The following ETFBKMT variants were observed in gnomAD, a reference collection of about 807,000 sequenced individuals.
ETFBKMT encodes electron transfer flavoprotein beta subunit lysine methyltransferase.
ETFBKMT carries 13 observed loss-of-function variants against 18.3 expected under a neutral mutation model. The ratio of observed to expected loss-of-function variants is 0.71; its 90% CI spans 0.46 to 1.13. ETFBKMT has a LOEUF of 1.13. Ranked by LOEUF, ETFBKMT falls within the 50% of genes most tolerant of loss-of-function variation. The probability of loss-of-function intolerance (pLI) is 0.00; values close to 1 mark genes in which losing one functional copy is unlikely to be tolerated. For missense variants in ETFBKMT, 293 were observed against 306.2 expected, an observed-to-expected ratio of 0.96 and a Z score of 0.32; for synonymous variants, 84 against 107.9, an observed-to-expected ratio of 0.78 and a Z score of 1.37.
At chr12:31,657,247 A>G (rs1440443277), upstream of ETFBKMT, among the ~76,000 whole-genome samples, 4 of 152,240 alleles carry the variant, frequency 2.6e-5, no homozygotes, top group African/African-American at 9.6e-5. Context: ...TTTAAAGTAA[A>G]AAAATCACAA....
intron 1 of ETFBKMT, among the ~76,000 whole-genome samples, chr12:31,650,797 T>G (rs1443993967): frequency 6.6e-6 from 1 of 152,106 alleles, no homozygotes; most frequent in South Asian, 2.1e-4. Flanking sequence ...CTGAAGGTAC[T>G]TGAGAGACTG....
At position 31,668,225 on chromosome 12, in the gene ETFBKMT, G is replaced by A. The variant is rs903486792; in HGVS notation, c.*235G>A. The A allele has an allele frequency of 4.3e-5, 19 of 444,248 alleles. No individual in the cohort carries two copies. The highest frequency in any genetic ancestry group is 6.0e-5 in the African/African-American group (3 of 49,916). 27.5% of individuals were successfully genotyped at this position (444,248 alleles called of 1,614,324 possible). ...CTGCATTTTTTTTTCTATTTTAACCGCTGAAGGAATATGATTATACAATGC... is the reference window on the plus strand; with the variant it reads ...CTGCATTTTTTTTTCTATTTTAACCACTGAAGGAATATGATTATACAATGC... On this transcript the variant is annotated 3_prime_UTR_variant, in exon 4 of 4. Transcript: ENST00000357721.
At chr12:31,651,299 T>C (rs1387188745) in intron 1 of ETFBKMT, among the ~76,000 whole-genome samples, 1 of 133,898 alleles carries the variant, frequency 7.5e-6, no homozygotes, top group Non-Finnish European at 1.6e-5. Context: ...TTGAGAAAGA[T>C]GCCTTCCCTT....
intron 1 of ETFBKMT, among the ~76,000 whole-genome samples, chr12:31,648,710 C>T (rs536987537): frequency 6.6e-6 from 1 of 151,786 alleles, no homozygotes; most frequent in African/African-American, 2.4e-5. Flanking sequence ...TACAGGGGCC[C>T]ACCACCACGC....
intron 1 of ETFBKMT, among the ~76,000 whole-genome samples, chr12:31,650,626 C>CTTTTTTTTTTTT (rs543201341): frequency 0.012 from 1,743 of 140,430 alleles, 92 homozygotes; most frequent in African/African-American, 0.036. Flanking sequence ...AATGACCTGA[C>CTTTTTTTTTTTT]CTTTTTTTTT....
At chr12:31,661,635 A>AT (rs1951125353) in intron 1 of ETFBKMT, among the ~76,000 whole-genome samples, 1 of 151,936 alleles carries the variant, frequency 6.6e-6, no homozygotes, top group Non-Finnish European at 1.5e-5. Context: ...AATTTTTTGT[A>AT]TTTTTAGTAG....
intron 1 of ETFBKMT, among the ~76,000 whole-genome samples, chr12:31,648,562 T>C (rs1398252801): frequency 2.0e-5 from 2 of 100,152 alleles, no homozygotes; most frequent in Non-Finnish European, 5.0e-5. Flanking sequence ...GGTTTCTTTT[T>C]TTTTTTTTTT....
intron 3 of ETFBKMT, among the ~76,000 whole-genome samples, chr12:31,667,059 G>A (rs1951206300): frequency 6.6e-6 from 1 of 150,424 alleles, no homozygotes; most frequent in African/African-American, 2.5e-5. Context: ...CAGTGGCACG[G>A]TCTTGGCTCA....
At chr12:31,651,347 T>C (rs1242360541) in intron 1 of ETFBKMT, among the ~76,000 whole-genome samples, 1 of 150,340 alleles carries the variant, frequency 6.7e-6, no homozygotes, top group Non-Finnish European at 1.5e-5. Context: ...TCTTGCTCTG[T>C]CGTCCAGGCT....
chr12:31,664,114 C>A (rs1951164154), intron 2 of ETFBKMT, among the ~76,000 whole-genome samples: 1 of 151,648 alleles, frequency 6.6e-6, no homozygotes, highest in Admixed American at 6.6e-5. Flanking sequence ...TCACCCCTGA[C>A]TTCCTCTGCC....
At chr12:31,650,915 T>A (rs926037647) in intron 1 of ETFBKMT, among the ~76,000 whole-genome samples, 1 of 152,098 alleles carries the variant, frequency 6.6e-6, no homozygotes, top group Non-Finnish European at 1.5e-5. Context: ...ATCCAGTTTC[T>A]TAGGAAGAAA....
At chr12:31,657,791 CAA>C (rs777612236), upstream of ETFBKMT, among the ~76,000 whole-genome samples, 5 of 46,322 alleles carry the variant, frequency 1.1e-4, no homozygotes, top group East Asian at 9.6e-4. Context: ...GACTTCATCT[CAA>C]AAAAAAAAAA....
In ETFBKMT at chr12:31,662,111, A is replaced by T. The variant is rs1951131664; in HGVS notation, c.158A>T (p.Glu53Val). The part of the protein sequence containing the change: ...LDPEIKAFLE[E>V]NTEVTSSGSL... ...CCTGAGATAAAGGCTTTCCTGGAGG[A>T]GAACACTGAAGTCACCAGCAGTGGT... The change falls in exon 2 of 4, where the codon GAG (glutamate) becomes GTG (valine). Residue 53 changes from glutamate (E) to valine (V), a missense_variant. By Grantham distance (121) the Glu-to-Val change is moderately radical. Coordinates refer to ENST00000357721, the MANE Select transcript of ETFBKMT (RefSeq NM_001135863.2). 6.2e-7 allele frequency: 1 copy of T among 1,614,080 alleles called. No homozygotes were observed. The highest frequency in any genetic ancestry group is 1.7e-5 in the Admixed American group (1 of 60,002).
chr12:31,650,626 C>CTTTTTTTTTTTTTTTTTTTTTTTTT (rs543201341), intron 1 of ETFBKMT, among the ~76,000 whole-genome samples: 1 of 140,640 alleles, frequency 7.1e-6, no homozygotes, highest in African/African-American at 2.7e-5. Context: ...AATGACCTGA[C>CTTTTTTTTTTTTTTTTTTTTTTTTT]CTTTTTTTTT....
chr12:31,652,788 T>A lies in ETFBKMT; in HGVS notation c.-114+5533T>A, dbSNP rs955062185. On this transcript the variant is annotated intron_variant, in intron 1 of 3. Coordinates refer to the ETFBKMT transcript ENST00000412352. ...ATTTGCTAGTGGGTTAGTTGTGGAG[T>A]GTGCACGTGTGTGTGAGAGAAAGAT... 4.6e-5 allele frequency among the ~76,000 whole-genome samples: 7 copies of A among 152,090 alleles called. No homozygotes were observed. The East Asian group carries it at 1.3e-3, about 29-fold the overall frequency.
chr12:31,662,171 C>G lies in ETFBKMT; in HGVS notation c.218C>G (p.Thr73Ser), dbSNP rs139707287. 1 of 1,614,204 alleles carries G rather than the reference C, an allele frequency of 6.2e-7. No homozygotes were observed. The highest frequency in any genetic ancestry group is 1.1e-5 in the South Asian group (1 of 91,084). ...CCTGAAATCCAGTTGCGGCTTTTGA[C>G]CCCCAGATGCAAATTCTGGTGGGAG... ...LTPEIQLRLL[T>S]PRCKFWWERA... The change falls in exon 2 of 4, where the codon ACC (threonine) becomes AGC (serine). Residue 73 changes from threonine (T) to serine (S), a missense_variant. Thr to Ser is a moderately conservative substitution (Grantham distance 58). Transcript: ENST00000357721.
upstream of ETFBKMT, among the ~76,000 whole-genome samples, chr12:31,655,609 T>C (rs969882368): frequency 4.6e-5 from 7 of 152,216 alleles, no homozygotes; most frequent in Non-Finnish European, 1.0e-4. Flanking sequence ...GAATTCTTCC[T>C]TTACTCCCTA....
At position 31,667,876 on chromosome 12, in the gene ETFBKMT, T is replaced by A. The variant is rs1398868942; in HGVS notation, c.675T>A (p.Ser225Arg). The change falls in exon 4 of 4, where the codon AGT (serine) becomes AGA (arginine). Residue 225 changes from serine (S) to arginine (R), a missense_variant. Transcript: ENST00000357721. ...LIGDPGRPQF[S>R]GHSIQHHLHK... ...GTGACCCTGGGCGGCCCCAGTTCAGTGGACACAGCATTCAGCATCACCTGC... is the reference window on the plus strand; with the variant it reads ...GTGACCCTGGGCGGCCCCAGTTCAGAGGACACAGCATTCAGCATCACCTGC... 6.8e-6 allele frequency: 11 copies of A among 1,614,098 alleles called. No individual in the cohort carries two copies. The highest frequency in any genetic ancestry group is 1.3e-5 in the African/African-American group (1 of 74,928).
At chr12:31,655,718 T>C (rs932132785), upstream of ETFBKMT, among the ~76,000 whole-genome samples, 2 of 152,222 alleles carry the variant, frequency 1.3e-5, no homozygotes, top group Admixed American at 6.5e-5. Flanking sequence ...CCTATCTCCC[T>C]TTTCCTGCAT....
Sources: gnomAD v4.1 joint callset for allele counts (sites outside exome capture counted in the v4.1 genomes callset) on GRCh38, gnomAD v4.1.1 for gene constraint, MANE v1.5 for transcripts, NCBI Gene and HGNC (gene_info 2026-07-23, HGNC 2026-07-21) for gene names.